Variants in COG5 observed in about 807,000 individuals in gnomAD.
The protein encoded by COG5 is conserved oligomeric Golgi complex subunit 5.
A neutral mutation model predicts 110.4 loss-of-function variants in COG5; 86 were observed. The observed-to-expected ratio is 0.78, with a 90% CI of 0.65 to 0.93. The LOEUF (loss-of-function observed/expected upper bound fraction) is 0.93, where lower values mean the gene tolerates loss of function less well. COG5 is among the 40% of genes least tolerant of loss of function. The pLI, the probability that COG5 is intolerant of heterozygous loss-of-function variation, is 0.00. For missense variants in COG5, 1,077 were observed against 987.0 expected, an observed-to-expected ratio of 1.09 and a Z score of -1.22; for synonymous variants, 360 against 334.6, an observed-to-expected ratio of 1.08 and a Z score of -0.83.
intron 5 of COG5, among the ~76,000 whole-genome samples, chr7:107,540,559 CA>C (rs999272679): frequency 6.7e-6 from 1 of 149,590 alleles, no homozygotes; most frequent in African/African-American, 2.5e-5. Context: ...GCCCAAGTGA[CA>C]GGGCAAGGCC....
At chr7:107,392,063 C>G (rs1319179064) in intron 7 of COG5, among the ~76,000 whole-genome samples, 1 of 152,168 alleles carries the variant, frequency 6.6e-6, no homozygotes, top group Non-Finnish European at 1.5e-5. Context: ...TGCACTCCAG[C>G]CTGGGCAGCA....
chr7:107,448,274 T>C (rs1795131009), intron 6 of COG5, among the ~76,000 whole-genome samples: 1 of 152,224 alleles, frequency 6.6e-6, no homozygotes, highest in African/African-American at 2.4e-5. Context: ...GAGTTCACAC[T>C]AATGTTCACC....
intron 6 of COG5, among the ~76,000 whole-genome samples, chr7:107,466,399 A>C (rs1200956470): frequency 1.3e-5 from 2 of 152,236 alleles, no homozygotes; most frequent in Admixed American, 6.5e-5. Flanking sequence ...ATGACTTACA[A>C]ACACAGTGTG....
intron 10 of COG5, among the ~76,000 whole-genome samples, chr7:107,358,169 A>G (rs945914394): frequency 1.3e-5 from 2 of 152,198 alleles, no homozygotes; most frequent in African/African-American, 4.8e-5. Flanking sequence ...TTGTTTCATT[A>G]TAACTGTTCT....
chr7:107,483,889 C>T (rs1167353460), intron 6 of COG5, among the ~76,000 whole-genome samples: 6 of 4,712 alleles, frequency 1.3e-3, no homozygotes, highest in African/African-American at 5.8e-3. Context: ...TATGGTTATA[C>T]ATTTTTTTTT....
At chr7:107,289,633 G>C (rs1188943919) in intron 12 of COG5, among the ~76,000 whole-genome samples, 1 of 152,172 alleles carries the variant, frequency 6.6e-6, no homozygotes, top group Non-Finnish European at 1.5e-5. Flanking sequence ...TGCAATTCAT[G>C]AAGATGAGAT....
chr7:107,211,170 C>T lies in COG5; in HGVS notation c.2224G>A (p.Val742Met), dbSNP rs764902974. The T allele has an allele frequency of 5.6e-6, 9 of 1,613,928 alleles. No individual in the cohort carries two copies. The South Asian group carries it at 9.9e-5, about 18-fold the overall frequency. ...HVASSPALGD[V>M]IPFSIIIQFL... ...TGAATAATGATGCTGAACGGAATCA[C>T]ATCCCCCAATGCAGGACTACTGGCT... Residue 742 changes from valine to methionine, a missense_variant, in exon 20 of 22, where the codon GTG (valine) becomes ATG (methionine). Physicochemically the swap from Val to Met is conservative, Grantham distance 21. Transcript: ENST00000297135.
chr7:107,454,248 G>C (rs1795527054), intron 6 of COG5, among the ~76,000 whole-genome samples: 1 of 152,100 alleles, frequency 6.6e-6, no homozygotes. Context: ...TTTTAAATTT[G>C]AATTTAACTC....
intron 18 of COG5, 64 bp from the exon 19 acceptor site, chr7:107,230,755 C>T (rs1382602457): frequency 1.0e-5 from 13 of 1,281,452 alleles, no homozygotes; most frequent in Admixed American, 6.7e-5. Context: ...TTGGGAAAGA[C>T]CCGGATCACA....
intron 5 of COG5, among the ~76,000 whole-genome samples, chr7:107,534,077 G>A (rs1324436477): frequency 2.0e-5 from 3 of 151,512 alleles, no homozygotes; most frequent in African/African-American, 7.3e-5. Flanking sequence ...AGCATCATAA[G>A]CAAAGTAGAA....
rs563267149 is a variant in COG5, at chr7:107,203,525, A to G, written c.2481T>C (p.Ala827=). 29 of 1,609,248 alleles carry G rather than the reference A, an allele frequency of 1.8e-5. No homozygotes were observed. In the South Asian group the frequency reaches 3.1e-4, roughly 17 times the overall value. Residue 827 remains alanine, a synonymous_variant, in exon 22 of 22, where the codon GCT becomes GCC. Coordinates refer to ENST00000297135, the MANE Select transcript of COG5 (RefSeq NM_006348.5). ...MVQLLQKAMS[A]LQ Reference sequence around the variant, plus strand: ...CAAAGATTTCATGTCATTACTGAAGAGCAGACATAGCCTTTTGAAGCAGCT... The same window carrying G: ...CAAAGATTTCATGTCATTACTGAAGGGCAGACATAGCCTTTTGAAGCAGCT...
chr7:107,298,194 G>A lies in COG5; in HGVS notation c.1261C>T (p.His421Tyr). 2.5e-6 allele frequency: 4 copies of A among 1,613,522 alleles called. No homozygotes were observed. The highest frequency in any genetic ancestry group is 1.7e-6 in the Non-Finnish European group (2 of 1,179,646). Residue 421 changes from histidine (H) to tyrosine (Y), a missense_variant, in exon 12 of 22, where the codon CAC (histidine) becomes TAC (tyrosine). Transcript: ENST00000297135. ...GTTDLYVDLQ[H>Y]MEDDAQDIFI... ...ATATCTTGTGCATCATCTTCCATGT[G>A]TTGTAGGTCAACATAGAGGTCTGTA... is the stretch of plus-strand genomic sequence containing the variant.
At chr7:107,276,905 ACC>A (rs1804743309) in intron 14 of COG5, among the ~76,000 whole-genome samples, 2 of 152,216 alleles carry the variant, frequency 1.3e-5, no homozygotes. Context: ...AATCTAAAAA[ACC>A]TTGATCTCAG....
intron 12 of COG5, among the ~76,000 whole-genome samples, chr7:107,291,895 GT>G (rs949617975): frequency 6.6e-6 from 1 of 152,074 alleles, no homozygotes; most frequent in Admixed American, 6.5e-5. Flanking sequence ...CACTGCCAGG[GT>G]TTTTTTGAGA....
chr7:107,516,581 C>G (rs1000387059), intron 6 of COG5, among the ~76,000 whole-genome samples: 14 of 152,232 alleles, frequency 9.2e-5, no homozygotes, highest in African/African-American at 2.7e-4. Context: ...GACCTCCCAA[C>G]AGGAGTTGAC....
chr7:107,383,653 T>C (rs1815320057), intron 7 of COG5, among the ~76,000 whole-genome samples: 1 of 152,162 alleles, frequency 6.6e-6, no homozygotes, highest in South Asian at 2.1e-4. Context: ...CTCCCTCACG[T>C]ACCCCAGGTA....
intron 19 of COG5, among the ~76,000 whole-genome samples, chr7:107,220,391 T>G (rs953598267): frequency 6.6e-6 from 1 of 152,148 alleles, no homozygotes; most frequent in African/African-American, 2.4e-5. Flanking sequence ...ATAATCACAA[T>G]CTCTTTCGGA....
intron 10 of COG5, among the ~76,000 whole-genome samples, chr7:107,334,763 A>T (rs1175007282): frequency 6.6e-6 from 1 of 152,114 alleles, no homozygotes; most frequent in Non-Finnish European, 1.5e-5. Context: ...TACTAAATGG[A>T]GTTCTTAAAA....
intron 10 of COG5, among the ~76,000 whole-genome samples, chr7:107,341,756 A>G (rs1376363386): frequency 6.6e-6 from 1 of 152,276 alleles, no homozygotes; most frequent in East Asian, 1.9e-4. Context: ...AAAATACAAA[A>G]GTCTACAAAA....
Sources: gnomAD v4.1 joint callset for allele counts (sites outside exome capture counted in the v4.1 genomes callset) on GRCh38, gnomAD v4.1.1 for gene constraint, MANE v1.5 for transcripts, NCBI Gene and HGNC (gene_info 2026-07-23, HGNC 2026-07-21) for gene names.